The following VPS50 variants were observed in gnomAD, a reference collection of about 807,000 sequenced individuals.
The protein encoded by VPS50 is VPS50 subunit of EARP/GARPII complex.
In VPS50, 70 loss-of-function variants were observed where a neutral mutation model predicts 139.7. The observed-to-expected ratio is 0.50, with a 90% CI of 0.41 to 0.61. The LOEUF (loss-of-function observed/expected upper bound fraction) is 0.61, where lower values mean the gene tolerates loss of function less well. VPS50 is among the 20% of genes least tolerant of loss of function. VPS50 has a pLI of 0.00. For missense variants in VPS50, 921 were observed against 1,133.7 expected, an observed-to-expected ratio of 0.81 and a Z score of 2.69; for synonymous variants, 365 against 376.7, an observed-to-expected ratio of 0.97 and a Z score of 0.36.
chr7:93,270,121 T>A (rs1417035657), intron 9 of VPS50, among the ~76,000 whole-genome samples: 1 of 145,508 alleles, frequency 6.9e-6, no homozygotes, highest in East Asian at 2.0e-4. Flanking sequence ...GTTCTATTGA[T>A]TTTTTTTTTT....
chr7:93,274,959 T>C (rs930908520), intron 11 of VPS50, among the ~76,000 whole-genome samples: 1 of 152,170 alleles, frequency 6.6e-6, no homozygotes, highest in Non-Finnish European at 1.5e-5. Context: ...TTGGAAGAAG[T>C]TGATTCCAAC....
intron 11 of VPS50, chr7:93,275,914 T>C: frequency 2.4e-6 from 1 of 412,000 alleles, no homozygotes; most frequent in Non-Finnish European, 4.4e-6. Context: ...GAATACCAGT[T>C]ATAAATAAAG....
At chr7:93,239,779 G>A (rs1308388783) in intron 1 of VPS50, 87 bp from the exon 2 acceptor site, 4 of 734,366 alleles carry the variant, frequency 5.4e-6, no homozygotes, top group South Asian at 1.6e-5. Flanking sequence ...TTTTTAAAGT[G>A]GTCATTTCTG....
intron 21 of VPS50, among the ~76,000 whole-genome samples, chr7:93,330,238 C>T (rs569455243): frequency 6.6e-6 from 1 of 152,056 alleles, no homozygotes; most frequent in Non-Finnish European, 1.5e-5. Flanking sequence ...ATAACTTTAA[C>T]TTTTAGCCAA....
In VPS50 at chr7:93,263,089, TC is replaced by T. The variant is rs1357962232; in HGVS notation, c.659+3460del. Among the ~76,000 whole-genome samples the T allele has an allele frequency of 2.6e-5, 4 of 152,148 alleles. No homozygotes were observed. The South Asian group carries it at 6.2e-4, about 24-fold the overall frequency. ...TCTTTTGCTCTGTTTCCTCTGGTCTTCCCAGTACAGTGTTGCACCTGTTCTT... is the reference window on the plus strand; with the variant it reads ...TCTTTTGCTCTGTTTCCTCTGGTCTTCCAGTACAGTGTTGCACCTGTTCTT... On this transcript the variant is annotated intron_variant, in intron 9 of 27. Coordinates refer to ENST00000305866, the MANE Select transcript of VPS50 (RefSeq NM_017667.4).
At position 93,314,239 on chromosome 7, in the gene VPS50, T is replaced by C. The variant is rs150969977; in HGVS notation, c.1855+2967T>C. ...CTTGAGAAGATGAAGGAACTAATTA[T>C]TGAGTATTTGGGAAACCATATTAGA... On this transcript the variant is annotated intron_variant, in intron 20 of 27. Coordinates refer to ENST00000305866, the MANE Select transcript of VPS50 (RefSeq NM_017667.4). Among the ~76,000 whole-genome samples, 485 of 152,290 alleles carry C rather than the reference T, an allele frequency of 3.2e-3. 1 individual carries two copies. Among genetic ancestry groups the C allele is most frequent in the African/African-American group, 0.011 (460 of 41,566 alleles).
At chr7:93,352,359 G>T (rs1798585290) in intron 25 of VPS50, among the ~76,000 whole-genome samples, 1 of 152,148 alleles carries the variant, frequency 6.6e-6, no homozygotes, top group African/African-American at 2.4e-5. Flanking sequence ...TTTGTGAATT[G>T]ACAATCCACT....
At chr7:93,254,325 G>A (rs1795423903) in intron 4 of VPS50, among the ~76,000 whole-genome samples, 2 of 152,124 alleles carry the variant, frequency 1.3e-5, no homozygotes, top group African/African-American at 2.4e-5. Flanking sequence ...GCTAGAGTGC[G>A]ATTGCACGAT....
chr7:93,238,376 T>G (rs1584372942), intron 1 of VPS50, among the ~76,000 whole-genome samples: 1 of 152,070 alleles, frequency 6.6e-6, no homozygotes, highest in East Asian at 1.9e-4. Context: ...AATGCGCTAA[T>G]TTGTGGGAGA....
intron 13 of VPS50, among the ~76,000 whole-genome samples, chr7:93,292,756 A>G (rs1016004516): frequency 6.6e-6 from 1 of 152,146 alleles, no homozygotes; most frequent in South Asian, 2.1e-4. Context: ...CTTGACTTAC[A>G]AGAAGCTTGT....
chr7:93,349,793 A>G (rs1321770859), intron 24 of VPS50, 82 bp from the exon 25 acceptor site: 2 of 982,702 alleles, frequency 2.0e-6, no homozygotes, highest in African/African-American at 3.3e-5. Context: ...TATGATATAT[A>G]CTGGAAACAG....
intron 14 of VPS50, 43 bp from the exon 15 acceptor site, chr7:93,296,699 T>C (rs765426277): frequency 1.1e-4 from 176 of 1,583,836 alleles, no homozygotes; most frequent in Non-Finnish European, 1.4e-4. Flanking sequence ...ACTTATTTTC[T>C]ATATTTTGGG....
intron 23 of VPS50, among the ~76,000 whole-genome samples, chr7:93,343,104 A>G (rs964829025): frequency 6.6e-6 from 1 of 152,246 alleles, no homozygotes; most frequent in East Asian, 1.9e-4. Flanking sequence ...AGACGAATGT[A>G]TAAGTAGAAT....
At chr7:93,277,361 C>T (rs901716213) in intron 12 of VPS50, among the ~76,000 whole-genome samples, 1 of 152,182 alleles carries the variant, frequency 6.6e-6, no homozygotes, top group Non-Finnish European at 1.5e-5. Context: ...CCTAAGAATG[C>T]GCTATGTCTC....
intron 21 of VPS50, among the ~76,000 whole-genome samples, chr7:93,329,317 A>C (rs1797869591): frequency 6.6e-6 from 1 of 152,178 alleles, no homozygotes. Flanking sequence ...AAAACAACAA[A>C]AAATTTACTC....
intron 12 of VPS50, among the ~76,000 whole-genome samples, chr7:93,286,993 G>GTTT (rs78030975): frequency 8.1e-6 from 1 of 123,778 alleles, no homozygotes. Context: ...TGAAAACGTT[G>GTTT]TTTTTTTTTT....
At chr7:93,237,862 C>T (rs1224840827) in intron 1 of VPS50, among the ~76,000 whole-genome samples, 3 of 151,910 alleles carry the variant, frequency 2.0e-5, no homozygotes, top group African/African-American at 2.4e-5. Context: ...AGCCTGGTAC[C>T]CAATAGTTAT....
intron 18 of VPS50, among the ~76,000 whole-genome samples, chr7:93,308,439 G>T (rs1797176482): frequency 6.6e-6 from 1 of 151,396 alleles, no homozygotes; most frequent in Non-Finnish European, 1.5e-5. Flanking sequence ...GCCAGAATTG[G>T]ATACTGAACC....
Position 93,356,518 on chromosome 7 carries a change from C to T in VPS50, c.2775+438C>T, listed in dbSNP as rs757147821. The stretch of plus-strand genomic sequence containing the variant: ...TCAACGATGAAATGGTAACATCCTA[C>T]ACACTGACACGTATTAGTGATGAGT... On this transcript the variant is annotated intron_variant, in intron 27 of 27. Transcript: ENST00000305866. Among the ~76,000 whole-genome samples, 6 of 152,298 alleles carry T rather than the reference C, an allele frequency of 3.9e-5. No individual in the cohort carries two copies. In the South Asian group the frequency reaches 8.3e-4, roughly 21 times the overall value.
Sources: gnomAD v4.1 joint callset for allele counts (sites outside exome capture counted in the v4.1 genomes callset) on GRCh38, gnomAD v4.1.1 for gene constraint, MANE v1.5 for transcripts, NCBI Gene and HGNC (gene_info 2026-07-23, HGNC 2026-07-21) for gene names.